ADAM17: variants seen among roughly 807,000 people sequenced by gnomAD.
ADAM17 encodes the protein ADAM metallopeptidase domain 17.
In ADAM17, 39 loss-of-function variants were observed where a neutral mutation model predicts 96.7. The ratio of observed to expected loss-of-function variants is 0.40; its 90% CI spans 0.31 to 0.53. ADAM17 has a LOEUF of 0.53. Ranked by LOEUF, ADAM17 falls within the 20% of genes least tolerant of loss-of-function variation. The probability of loss-of-function intolerance (pLI) is 0.44; values close to 1 mark genes in which losing one functional copy is unlikely to be tolerated. For synonymous variants in ADAM17, 344 were observed against 359.2 expected, an observed-to-expected ratio of 0.96 and a Z score of 0.48; for missense variants, 777 against 1,013.2, an observed-to-expected ratio of 0.77 and a Z score of 3.17.
chr2:9,521,445 T>G, intron 7 of ADAM17, 129 bp from the exon 8 acceptor site: 1 of 590,210 alleles, frequency 1.7e-6, no homozygotes, highest in Non-Finnish European at 2.8e-6. Flanking sequence ...CCAAAATTCA[T>G]AAATTCTTCA....
At chr2:9,506,357 CTGTT>C (rs1293028350) in intron 11 of ADAM17, among the ~76,000 whole-genome samples, 1 of 126,194 alleles carries the variant, frequency 7.9e-6, no homozygotes, top group Non-Finnish European at 1.7e-5. Context: ...ATCTTCAAAT[CTGTT>C]TTTTTTTTTT....
At chr2:9,539,446 T>C (rs1255281792) in intron 2 of ADAM17, among the ~76,000 whole-genome samples, 2 of 152,174 alleles carry the variant, frequency 1.3e-5, no homozygotes, top group South Asian at 4.1e-4. Context: ...AAAAAGGAAA[T>C]GAAACTTGTA....
intron 7 of ADAM17, among the ~76,000 whole-genome samples, chr2:9,522,962 G>T (rs980034396): frequency 2.0e-5 from 3 of 152,134 alleles, no homozygotes; most frequent in South Asian, 2.1e-4. Context: ...ATAATCGGAG[G>T]GGGGAAGAAA....
At chr2:9,545,162 T>G (rs999087017) in intron 1 of ADAM17, among the ~76,000 whole-genome samples, 5 of 152,190 alleles carry the variant, frequency 3.3e-5, no homozygotes, top group African/African-American at 1.2e-4. Context: ...TTGTTAAAAA[T>G]GCAAATGCTC....
intron 1 of ADAM17, among the ~76,000 whole-genome samples, chr2:9,546,813 G>A (rs1422001852): frequency 2.0e-5 from 3 of 147,202 alleles, no homozygotes; most frequent in African/African-American, 5.4e-5. Flanking sequence ...GGGTTCAAGC[G>A]ATTCTCCTGT....
chr2:9,504,359 C>T (rs191949202), intron 12 of ADAM17, among the ~76,000 whole-genome samples: 4 of 151,812 alleles, frequency 2.6e-5, no homozygotes, highest in Admixed American at 2.6e-4. Context: ...GCAGGGGAAT[C>T]GCTTGAACCT....
chr2:9,495,154 C>T (rs1297961107), intron 14 of ADAM17, among the ~76,000 whole-genome samples: 7 of 152,342 alleles, frequency 4.6e-5, no homozygotes, highest in African/African-American at 1.7e-4. Context: ...CCCCTCAGGG[C>T]CCACACTGGC....
chr2:9,538,936 G>C lies in ADAM17; in HGVS notation c.231-2108C>G, dbSNP rs61317168. On this transcript the variant is annotated intron_variant, in intron 2 of 18. Coordinates refer to ENST00000310823, the MANE Select transcript of ADAM17 (RefSeq NM_003183.6). ...CATTTTTAATGGTCCATTTAGTCAG[G>C]TATATCACTTTCATTTCTTTATCAG... 6.2e-3 allele frequency among the ~76,000 whole-genome samples: 939 copies of C among 152,156 alleles called. 8 individuals carry two copies. The highest frequency in any genetic ancestry group is 0.022 in the African/African-American group (904 of 41,520).
chr2:9,512,564 T>G (rs1663801875), intron 10 of ADAM17, among the ~76,000 whole-genome samples: 1 of 152,166 alleles, frequency 6.6e-6, no homozygotes, highest in African/African-American at 2.4e-5. Flanking sequence ...TCCTTTTACC[T>G]GATCCAAGGC....
intron 13 of ADAM17, among the ~76,000 whole-genome samples, chr2:9,500,911 T>C (rs1410541949): frequency 1.3e-5 from 2 of 152,234 alleles, no homozygotes; most frequent in African/African-American, 2.4e-5. Flanking sequence ...GGACAACTTA[T>C]GAAGCTAATA....
chr2:9,503,929 G>C (rs1235259751), intron 12 of ADAM17, among the ~76,000 whole-genome samples: 1 of 151,980 alleles, frequency 6.6e-6, no homozygotes, highest in Non-Finnish European at 1.5e-5. Flanking sequence ...TAGAAGGGTG[G>C]ATCACTTGAG....
intron 7 of ADAM17, chr2:9,522,273 C>A (rs988241259): frequency 1.6e-5 from 7 of 431,516 alleles, no homozygotes; most frequent in Non-Finnish European, 1.7e-5. Context: ...CAAATACAGA[C>A]ATATACATAC....
chr2:9,543,021 A>G (rs1665271964), intron 2 of ADAM17, 132 bp downstream of exon 2: 8 of 1,205,668 alleles, frequency 6.6e-6, no homozygotes, highest in Admixed American at 5.8e-5. Context: ...TAGAATAAGC[A>G]TTATACTGGA....
intron 2 of ADAM17, among the ~76,000 whole-genome samples, chr2:9,541,713 T>A (rs1484497385): frequency 1.3e-5 from 2 of 152,214 alleles, no homozygotes; most frequent in Non-Finnish European, 2.9e-5. Flanking sequence ...TCCTTTTATT[T>A]TTTAACATAG....
At chr2:9,539,514 C>T (rs982482792) in intron 2 of ADAM17, among the ~76,000 whole-genome samples, 2 of 152,078 alleles carry the variant, frequency 1.3e-5, no homozygotes, top group African/African-American at 4.8e-5. Flanking sequence ...TTCATACAAC[C>T]TCTCAGTGTT....
chr2:9,537,705 G>A (rs183440904), intron 2 of ADAM17, among the ~76,000 whole-genome samples: 3 of 151,446 alleles, frequency 2.0e-5, no homozygotes, highest in African/African-American at 4.8e-5. Flanking sequence ...GGTTGACAGC[G>A]CGAGACTCCC....
At chr2:9,528,753 C>A (rs1664626634) in intron 4 of ADAM17, among the ~76,000 whole-genome samples, 1 of 152,168 alleles carries the variant, frequency 6.6e-6, no homozygotes, top group Admixed American at 6.5e-5. Context: ...AAAACCCCCA[C>A]AATGAGACAC....
intron 2 of ADAM17, 32 bp downstream of exon 2, chr2:9,543,121 C>A: frequency 6.5e-7 from 1 of 1,534,588 alleles, no homozygotes. Flanking sequence ...CCCCCAGTGC[C>A]CCAACATTAT....
intron 6 of ADAM17, among the ~76,000 whole-genome samples, chr2:9,525,589 T>TCATCA (rs1664495365): frequency 6.6e-6 from 1 of 152,182 alleles, no homozygotes; most frequent in Non-Finnish European, 1.5e-5. Flanking sequence ...AAATCCAGTA[T>TCATCA]CATCACTTCT....
Sources: allele counts gnomAD v4.1 joint callset (sites outside exome capture counted in the v4.1 genomes callset), GRCh38; gene constraint gnomAD v4.1.1; transcripts MANE v1.5; gene names NCBI Gene and HGNC (gene_info 2026-07-23, HGNC 2026-07-21).